Variants in OPCML observed in about 807,000 individuals in gnomAD.
OPCML encodes the protein opioid binding protein/cell adhesion molecule like, also known as opioid-binding protein/cell adhesion molecule.
In OPCML, 13 loss-of-function variants were observed where a neutral mutation model predicts 37.8. The observed-to-expected ratio is 0.34, with a 90% CI of 0.22 to 0.55. The LOEUF is 0.55. OPCML is among the 20% of genes least tolerant of loss of function. OPCML has a pLI of 0.91. For synonymous variants in OPCML, 176 were observed against 168.8 expected, an observed-to-expected ratio of 1.04 and a Z score of -0.33; for missense variants, 341 against 435.6, an observed-to-expected ratio of 0.78 and a Z score of 1.93.
intron 1 of OPCML, among the ~76,000 whole-genome samples, chr11:133,426,989 GCAAA>G (rs1183019213): frequency 2.0e-5 from 3 of 152,136 alleles, no homozygotes; most frequent in Non-Finnish European, 4.4e-5. Flanking sequence ...AGAAAGTAAA[GCAAA>G]CAAACTGTTG....
chr11:132,892,367 G>A (rs909416756), intron 2 of OPCML, among the ~76,000 whole-genome samples: 1 of 152,138 alleles, frequency 6.6e-6, no homozygotes, highest in Non-Finnish European at 1.5e-5. Context: ...TTTGGAGTGG[G>A]GGACAGAAGA....
intron 2 of OPCML, among the ~76,000 whole-genome samples, chr11:132,749,604 GT>G (rs1184557036): frequency 1.3e-5 from 2 of 152,124 alleles, no homozygotes; most frequent in African/African-American, 4.8e-5. Flanking sequence ...TATATTTGTG[GT>G]TGTCCTCAGC....
At chr11:132,704,602 G>GA (rs949366740) in intron 2 of OPCML, among the ~76,000 whole-genome samples, 1 of 152,076 alleles carries the variant, frequency 6.6e-6, no homozygotes, top group Non-Finnish European at 1.5e-5. Context: ...TTCTCAGCAA[G>GA]AAAAAAGAAA....
intron 1 of OPCML, among the ~76,000 whole-genome samples, chr11:133,074,663 T>C (rs1022203159): frequency 2.0e-5 from 3 of 152,150 alleles, no homozygotes; most frequent in Admixed American, 2.0e-4. Context: ...ATGTGAAGCT[T>C]TGGTTCACAG....
chr11:132,591,399 A>C (rs999699888), intron 3 of OPCML, among the ~76,000 whole-genome samples: 7 of 152,174 alleles, frequency 4.6e-5, no homozygotes, highest in Non-Finnish European at 1.5e-5. Context: ...CTGCTTCATT[A>C]CTTGTAGAGT....
At chr11:132,725,131 C>A (rs1422990134) in intron 2 of OPCML, among the ~76,000 whole-genome samples, 2 of 152,218 alleles carry the variant, frequency 1.3e-5, no homozygotes, top group African/African-American at 2.4e-5. Flanking sequence ...CTCCACATTT[C>A]TTTTCTGCAC....
At chr11:133,370,061 C>G (rs1347831910) in intron 1 of OPCML, among the ~76,000 whole-genome samples, 1 of 152,140 alleles carries the variant, frequency 6.6e-6, no homozygotes, top group Non-Finnish European at 1.5e-5. Context: ...AAAGTTTTGA[C>G]TGCATTTTGA....
chr11:132,985,469 C>T (rs1946668013), intron 1 of OPCML, among the ~76,000 whole-genome samples: 1 of 152,198 alleles, frequency 6.6e-6, no homozygotes, highest in Admixed American at 6.5e-5. Flanking sequence ...ATTGGCATAT[C>T]ACAACCTGGT....
Position 132,420,369 on chromosome 11 carries a change from CA to C in OPCML, c.917-77del, listed in dbSNP as rs555843566. On this transcript the variant is annotated intron_variant, in intron 7 of 7. Coordinates refer to ENST00000524381, the MANE Select transcript of OPCML (RefSeq NM_001012393.5). ...ATAGTTCTTCCCTGACAAGCAAATA[CA>C]CATACATGCTTCCCACCTTCCACCC... The C allele has an allele frequency of 2.1e-3, 3,249 of 1,563,934 alleles. 6 individuals carry two copies. Among genetic ancestry groups the C allele is most frequent in the Non-Finnish European group, 2.6e-3 (2,979 of 1,155,058 alleles).
chr11:133,052,713 G>T (rs1948153481), intron 1 of OPCML, among the ~76,000 whole-genome samples: 1 of 152,176 alleles, frequency 6.6e-6, no homozygotes, highest in Non-Finnish European at 1.5e-5. Context: ...GGTGGCCAAA[G>T]TCAAGCAATG....
intron 1 of OPCML, among the ~76,000 whole-genome samples, chr11:133,030,258 G>A (rs1026694121): frequency 1.1e-4 from 17 of 152,284 alleles, no homozygotes; most frequent in Admixed American, 4.6e-4. Context: ...GCTGAATCCC[G>A]AAACTTGAGG....
At chr11:132,759,722 AT>A (rs1946193358) in intron 2 of OPCML, among the ~76,000 whole-genome samples, 1 of 151,482 alleles carries the variant, frequency 6.6e-6, no homozygotes, top group Non-Finnish European at 1.5e-5. Flanking sequence ...CAATCTATCT[AT>A]TTTGTTAATC....
At chr11:133,207,730 G>A (rs1026057835) in intron 1 of OPCML, among the ~76,000 whole-genome samples, 9 of 152,084 alleles carry the variant, frequency 5.9e-5, no homozygotes, top group Non-Finnish European at 1.3e-4. Flanking sequence ...TGGCAATGCC[G>A]ACTGAGGAAG....
At chr11:132,500,478 C>T (rs1044550902) in intron 4 of OPCML, among the ~76,000 whole-genome samples, 5 of 152,168 alleles carry the variant, frequency 3.3e-5, no homozygotes, top group African/African-American at 1.2e-4. Flanking sequence ...AGCCAGAGGG[C>T]ATTGAAGCAG....
intron 1 of OPCML, among the ~76,000 whole-genome samples, chr11:132,999,864 C>T (rs1372257754): frequency 2.0e-5 from 3 of 152,228 alleles, no homozygotes; most frequent in South Asian, 2.1e-4. Flanking sequence ...GAAGTTTCTC[C>T]CACCTTCTTC....
chr11:133,156,167 G>A (rs1950059383), intron 1 of OPCML, among the ~76,000 whole-genome samples: 1 of 152,086 alleles, frequency 6.6e-6, no homozygotes, highest in African/African-American at 2.4e-5. Flanking sequence ...TTCTTAGCAT[G>A]GTAAACAGAG....
At chr11:133,005,918 C>T (rs1363794322) in intron 1 of OPCML, 3 of 985,214 alleles carry the variant, frequency 3.0e-6, no homozygotes, top group Non-Finnish European at 3.6e-6. Context: ...TAGCTGTGGC[C>T]CTCAGACTAA....
intron 1 of OPCML, among the ~76,000 whole-genome samples, chr11:133,279,084 C>A (rs531787376): frequency 6.6e-6 from 1 of 152,188 alleles, no homozygotes; most frequent in African/African-American, 2.4e-5. Flanking sequence ...CACTAGTAGT[C>A]CACGGCTAAT....
At chr11:133,038,294 C>A (rs551404565) in intron 1 of OPCML, among the ~76,000 whole-genome samples, 1 of 152,170 alleles carries the variant, frequency 6.6e-6, no homozygotes, top group African/African-American at 2.4e-5. Context: ...GCTTATAGCT[C>A]GGGTGGGACA....
Sources: gnomAD v4.1 joint callset for allele counts (sites outside exome capture counted in the v4.1 genomes callset) on GRCh38, gnomAD v4.1.1 for gene constraint, MANE v1.5 for transcripts, NCBI Gene and HGNC (gene_info 2026-07-23, HGNC 2026-07-21) for gene names.